The following CNTN4 variants were observed in gnomAD, a reference collection of about 807,000 sequenced individuals.
The protein encoded by CNTN4 is contactin 4.
Under a neutral mutation model 122.5 loss-of-function variants are expected in CNTN4, and 77 were observed. The ratio of observed to expected loss-of-function variants is 0.63; its 90% CI spans 0.52 to 0.76. The LOEUF is 0.76. Ranked by LOEUF, CNTN4 falls within the 30% of genes least tolerant of loss-of-function variation. CNTN4 has a pLI of 0.00. For missense variants in CNTN4, 1,256 were observed against 1,259.1 expected, an observed-to-expected ratio of 1.00 and a Z score of 0.04; for synonymous variants, 512 against 447.0, an observed-to-expected ratio of 1.15 and a Z score of -1.83.
chr3:3,012,685 T>C (rs1697354140), intron 14 of CNTN4, among the ~76,000 whole-genome samples: 1 of 152,066 alleles, frequency 6.6e-6, no homozygotes, highest in African/African-American at 2.4e-5. Context: ...AAACTTTGCA[T>C]TGGCTGGGCG....
At chr3:3,037,559 C>T in intron 18 of CNTN4, 1 of 560,270 alleles carries the variant, frequency 1.8e-6, no homozygotes, top group Non-Finnish European at 3.2e-6. Context: ...GCAAGAGACA[C>T]ACGGTGCTTA....
At chr3:2,728,163 T>C (rs141800582) in intron 4 of CNTN4, among the ~76,000 whole-genome samples, 186 of 152,356 alleles carry the variant, frequency 1.2e-3, no homozygotes, top group African/African-American at 4.4e-3. Flanking sequence ...CAATCAGTGA[T>C]TGAATTTTAA....
intron 3 of CNTN4, among the ~76,000 whole-genome samples, chr3:2,404,034 A>G (rs563677071): frequency 4.6e-5 from 7 of 152,126 alleles, no homozygotes; most frequent in African/African-American, 1.4e-4. Flanking sequence ...TCTATTATCT[A>G]TCCACAGTGG....
At chr3:2,623,256 T>C (rs1576255891) in intron 4 of CNTN4, among the ~76,000 whole-genome samples, 1 of 151,750 alleles carries the variant, frequency 6.6e-6, no homozygotes, top group East Asian at 1.9e-4. Flanking sequence ...ATTTTTATTC[T>C]CATGGTTTTT....
At chr3:2,353,202 G>T (rs2044713876) in intron 3 of CNTN4, among the ~76,000 whole-genome samples, 1 of 150,800 alleles carries the variant, frequency 6.6e-6, no homozygotes, top group Non-Finnish European at 1.5e-5. Flanking sequence ...GGTGGGGACT[G>T]GGAGAACTTT....
At chr3:3,038,874 TC>T in intron 18 of CNTN4, 58 bp from the exon 19 acceptor site, 1 of 1,448,826 alleles carries the variant, frequency 6.9e-7, no homozygotes, top group Non-Finnish European at 9.7e-7. Flanking sequence ...CAGGCAACCT[TC>T]CTGGCCCTCA....
chr3:2,676,768 C>G (rs541285764), intron 4 of CNTN4, among the ~76,000 whole-genome samples: 3 of 152,254 alleles, frequency 2.0e-5, no homozygotes, highest in South Asian at 2.1e-4. Flanking sequence ...ATACTGTTTT[C>G]AAGTTCTTTG....
intron 4 of CNTN4, among the ~76,000 whole-genome samples, chr3:2,673,277 C>G (rs1421634443): frequency 6.6e-6 from 1 of 152,168 alleles, no homozygotes; most frequent in East Asian, 1.9e-4. Flanking sequence ...TGGCTATGTA[C>G]AGTCGATTTA....
chr3:2,100,322 G>C (rs939399493), intron 1 of CNTN4, among the ~76,000 whole-genome samples: 25 of 152,176 alleles, frequency 1.6e-4, no homozygotes, highest in Admixed American at 2.6e-4. Flanking sequence ...TTCTGTAGTG[G>C]GAGCTGGATA....
At chr3:2,948,581 A>C (rs576937195) in intron 13 of CNTN4, among the ~76,000 whole-genome samples, 1 of 152,116 alleles carries the variant, frequency 6.6e-6, no homozygotes, top group African/African-American at 2.4e-5. Flanking sequence ...CTCTGAAAAC[A>C]AAAAAATATT....
chr3:2,737,373 G>A (rs960137262), intron 5 of CNTN4, among the ~76,000 whole-genome samples: 9 of 152,130 alleles, frequency 5.9e-5, no homozygotes, highest in African/African-American at 1.4e-4. Context: ...GAACCACCAC[G>A]CCCAGCCCGT....
intron 3 of CNTN4, among the ~76,000 whole-genome samples, chr3:2,431,108 G>C (rs2048052553): frequency 6.6e-6 from 1 of 152,120 alleles, no homozygotes; most frequent in African/African-American, 2.4e-5. Flanking sequence ...AGTGTATTCA[G>C]AGATATTCAT....
chr3:2,342,544 T>C (rs2044249511), intron 3 of CNTN4, among the ~76,000 whole-genome samples: 1 of 152,130 alleles, frequency 6.6e-6, no homozygotes, highest in Non-Finnish European at 1.5e-5. Context: ...CCACCTGTCG[T>C]GGGAGGGAGC....
chr3:2,895,597 C>A (rs2094099590), intron 10 of CNTN4, among the ~76,000 whole-genome samples: 1 of 152,146 alleles, frequency 6.6e-6, no homozygotes, highest in Non-Finnish European at 1.5e-5. Context: ...TTGCCAGAAG[C>A]AAGTCAGTTG....
Position 2,261,996 on chromosome 3 carries a change from C to CA in CNTN4, c.-144-77181dup, listed in dbSNP as rs376176943. Among the ~76,000 whole-genome samples the CA allele has an allele frequency of 2.4e-3, 368 of 152,270 alleles. 1 individual carries two copies. Among genetic ancestry groups the CA allele is most frequent in the African/African-American group, 8.6e-3 (358 of 41,564 alleles). Reference sequence around the variant, plus strand: ...AATCACATTGTCTCTACTTATTACCCAGGCTTTTCTCCAGCTGGTAAAATG... The same window carrying CA: ...AATCACATTGTCTCTACTTATTACCCAAGGCTTTTCTCCAGCTGGTAAAATG... On this transcript the variant is annotated intron_variant, in intron 2 of 24. Coordinates refer to ENST00000418658, the MANE Select transcript of CNTN4 (RefSeq NM_175607.3).
intron 2 of CNTN4, among the ~76,000 whole-genome samples, chr3:2,152,678 G>A (rs971278081): frequency 1.4e-4 from 22 of 152,144 alleles, no homozygotes; most frequent in Non-Finnish European, 2.4e-4. Context: ...ATGAGGTGAG[G>A]AGTGGCTGTG....
At chr3:2,673,353 A>T (rs2084648130) in intron 4 of CNTN4, among the ~76,000 whole-genome samples, 1 of 152,078 alleles carries the variant, frequency 6.6e-6, no homozygotes, top group Non-Finnish European at 1.5e-5. Flanking sequence ...TCTTGCAGAG[A>T]CTGATTGCAA....
chr3:2,647,798 G>T (rs117035609), intron 4 of CNTN4, among the ~76,000 whole-genome samples: 1 of 152,190 alleles, frequency 6.6e-6, no homozygotes, highest in African/African-American at 2.4e-5. Context: ...AGCTGTCTCT[G>T]CTTACTGAAA....
chr3:2,451,967 G>A (rs539790415), intron 3 of CNTN4, among the ~76,000 whole-genome samples: 1 of 152,252 alleles, frequency 6.6e-6, no homozygotes, highest in South Asian at 2.1e-4. Flanking sequence ...CTCTTGAAAA[G>A]GAGATAGATA....
Sources: gnomAD v4.1 joint callset for allele counts (sites outside exome capture counted in the v4.1 genomes callset) on GRCh38, gnomAD v4.1.1 for gene constraint, MANE v1.5 for transcripts, NCBI Gene and HGNC (gene_info 2026-07-23, HGNC 2026-07-21) for gene names.